Variants in ELF2 observed in about 807,000 individuals in gnomAD.
The protein encoded by ELF2 is E74 like ETS transcription factor 2, also known as ETS-related transcription factor Elf-2.
In ELF2, 11 loss-of-function variants were observed where a neutral mutation model predicts 54.8. The ratio of observed to expected loss-of-function variants is 0.20; its 90% CI spans 0.13 to 0.33. ELF2 has a LOEUF of 0.33. Among genes scored for constraint, ELF2 ranks in the 10% least tolerant of loss-of-function variants. The pLI, the probability that ELF2 is intolerant of heterozygous loss-of-function variation, is 1.00. For synonymous variants in ELF2, 203 were observed against 245.1 expected (o/e 0.83, Z 1.61); for missense variants, 513 against 703.0 (o/e 0.73, Z 3.06).
At chr4:139,132,968 T>C (rs973854016) in intron 3 of ELF2, among the ~76,000 whole-genome samples, 3 of 151,082 alleles carry the variant, frequency 2.0e-5, no homozygotes, top group Non-Finnish European at 4.4e-5. Flanking sequence ...CTCTGCTCAC[T>C]GTAAGCTCCG....
intron 9 of ELF2, 101 bp downstream of exon 9, chr4:139,060,223 G>T: frequency 9.3e-7 from 1 of 1,072,758 alleles, no homozygotes; most frequent in Non-Finnish European, 1.3e-6. Flanking sequence ...ACAACACTGG[G>T]TTCTTAGAAC....
chr4:139,177,431 T>C (rs1027621818), upstream of ELF2, among the ~76,000 whole-genome samples: 3 of 151,172 alleles, frequency 2.0e-5, no homozygotes, highest in African/African-American at 7.3e-5. Flanking sequence ...CGGCTATTTA[T>C]ACCCCGCGGG....
At chr4:139,148,316 A>ATTTTTTTTTTTTTT (rs772079635) in intron 1 of ELF2, among the ~76,000 whole-genome samples, 5 of 64,532 alleles carry the variant, frequency 7.7e-5, no homozygotes, top group Non-Finnish European at 8.4e-5. Flanking sequence ...TACCTGGCTA[A>ATTTTTTTTTTTTTT]TTTTTTTTTT....
At chr4:139,169,426 C>CA (rs1378254352) in intron 1 of ELF2, among the ~76,000 whole-genome samples, 3 of 151,464 alleles carry the variant, frequency 2.0e-5, no homozygotes, top group Admixed American at 6.6e-5. Flanking sequence ...CAACCTTACA[C>CA]AAAAAAATAC....
intron 4 of ELF2, among the ~76,000 whole-genome samples, chr4:139,099,833 A>G (rs187863266): frequency 4.6e-5 from 7 of 152,380 alleles, no homozygotes; most frequent in Admixed American, 2.6e-4. Context: ...ATGATAAAAA[A>G]TAACAGAACA....
At chr4:139,167,198 A>G (rs999153295) in intron 1 of ELF2, among the ~76,000 whole-genome samples, 1 of 152,198 alleles carries the variant, frequency 6.6e-6, no homozygotes, top group Non-Finnish European at 1.5e-5. Context: ...ACAGGATACA[A>G]TTAGAAACGT....
intron 3 of ELF2, among the ~76,000 whole-genome samples, chr4:139,135,479 C>T (rs748996379): frequency 6.6e-6 from 1 of 151,494 alleles, no homozygotes; most frequent in Non-Finnish European, 1.5e-5. Context: ...ACTAAAATGT[C>T]ACCACTTTGG....
At position 139,151,096 on chromosome 4, in the gene ELF2, A is replaced by AGAAAGAAAG. The variant is rs1560871870; in HGVS notation, c.-251-11600_-251-11599insCTTTCTTTC. ...AGAAAGAAAGAAAGAAAGAAAGAAA[A>AGAAAGAAAG]AGAGAGCTATTTAATAAATTGTGCT... On this transcript the variant is annotated intron_variant, in intron 1 of 9. Transcript: ENST00000686138. Among the ~76,000 whole-genome samples, 83 of 128,274 alleles carry AGAAAGAAAG rather than the reference A, an allele frequency of 6.5e-4. 3 individuals carry two copies. Among genetic ancestry groups the AGAAAGAAAG allele is most frequent in the African/African-American group, 2.5e-3 (77 of 31,382 alleles). 84.2% of individuals were successfully genotyped at this position (128,274 alleles called of 152,430 possible).
chr4:139,062,121 C>T, intron 7 of ELF2, 64 bp from the exon 8 acceptor site: 3 of 1,437,926 alleles, frequency 2.1e-6, no homozygotes, highest in Non-Finnish European at 2.8e-6. Flanking sequence ...TAATTAAAAG[C>T]AAATAAAGTG....
chr4:139,075,630 T>C (rs1445768992), intron 4 of ELF2, among the ~76,000 whole-genome samples: 2 of 152,166 alleles, frequency 1.3e-5, no homozygotes, highest in Non-Finnish European at 2.9e-5. Context: ...GGTTTCACCA[T>C]GTTGGCCAGG....
At chr4:139,061,059 C>G (rs1560749764) in intron 8 of ELF2, among the ~76,000 whole-genome samples, 2 of 152,066 alleles carry the variant, frequency 1.3e-5, no homozygotes, top group African/African-American at 4.8e-5. Flanking sequence ...GCCACACTTA[C>G]TTAGTAGAGA....
At chr4:139,161,679 A>C (rs925427403) in intron 1 of ELF2, among the ~76,000 whole-genome samples, 6 of 148,672 alleles carry the variant, frequency 4.0e-5, no homozygotes, top group Non-Finnish European at 8.9e-5. Flanking sequence ...AAAAAAAAAA[A>C]CTCTGAGTAG....
rs922043096 is a variant in ELF2, at chr4:139,058,282, TTTTTC to T, written c.*696_*700del. 66 of 151,894 alleles carry T rather than the reference TTTTTC, an allele frequency of 4.3e-4. No homozygotes were observed. Among genetic ancestry groups the T allele is most frequent in the Admixed American group, 1.4e-3 (21 of 15,242 alleles). The allele number at this position is 151,894 out of a possible 1,614,324, so 9.4% of individuals were successfully genotyped here. ...TGTGCTAGGTACAAGATTTTTAAAA[TTTTTC>T]TTTTAATAAAAAAGCTTTACACAAA... On this transcript the variant is annotated 3_prime_UTR_variant, in exon 10 of 10. Coordinates refer to ENST00000686138, the MANE Select transcript of ELF2 (RefSeq NM_001331036.3).
At chr4:139,072,794 T>G (rs1729705680) in intron 5 of ELF2, among the ~76,000 whole-genome samples, 1 of 152,230 alleles carries the variant, frequency 6.6e-6, no homozygotes, top group Non-Finnish European at 1.5e-5. Context: ...AAATTTATTC[T>G]CATATCTCTG....
chr4:139,109,698 G>A (rs1225022122), intron 4 of ELF2, among the ~76,000 whole-genome samples: 1 of 152,186 alleles, frequency 6.6e-6, no homozygotes, highest in Admixed American at 6.5e-5. Flanking sequence ...GTAGCAACAT[G>A]GAACAGCCGG....
At position 139,139,432 on chromosome 4, in the gene ELF2, C is replaced by A; in HGVS notation, c.-186G>T. 8.1e-7 allele frequency: 1 copy of A among 1,229,740 alleles called. No homozygotes were observed. Among genetic ancestry groups the A allele is most frequent in the South Asian group, 4.1e-5 (1 of 24,274 alleles). The allele number at this position is 1,229,740 out of a possible 1,614,324, so 76.2% of individuals were successfully genotyped here. A position where few individuals can be genotyped will look rare whatever the true frequency, so the allele number is the denominator to read the frequency against. ...ACTTACAGTTTGTATGTTAAGTAGTCTAAGCATCCTTCACTATTTTCACAA... is the reference window on the plus strand; with the variant it reads ...ACTTACAGTTTGTATGTTAAGTAGTATAAGCATCCTTCACTATTTTCACAA... On this transcript the variant is annotated 5_prime_UTR_variant, in exon 2 of 10. Coordinates refer to ENST00000686138, the MANE Select transcript of ELF2 (RefSeq NM_001331036.3).
At chr4:139,072,856 G>A (rs6535865) in intron 5 of ELF2, among the ~76,000 whole-genome samples, 147,020 of 152,298 alleles carry the variant, frequency 0.97, 71,062 homozygotes, top group Middle Eastern at 0.99. Flanking sequence ...CTCTTATTGT[G>A]AATCCCAATG....
chr4:139,084,174 T>A (rs894479946), intron 4 of ELF2: 1 of 1,613,474 alleles, frequency 6.2e-7, no homozygotes, highest in Non-Finnish European at 8.5e-7. Context: ...GGGTCCCTCA[T>A]GCAGAGACGT....
chr4:139,142,309 A>G (rs906670016), intron 1 of ELF2, among the ~76,000 whole-genome samples: 11 of 152,162 alleles, frequency 7.2e-5, no homozygotes, highest in Admixed American at 4.6e-4. Context: ...TCTAGTCAAA[A>G]GAAATTCAAC....
Sources: gnomAD v4.1 joint callset for allele counts (sites outside exome capture counted in the v4.1 genomes callset) on GRCh38, gnomAD v4.1.1 for gene constraint, MANE v1.5 for transcripts, NCBI Gene and HGNC (gene_info 2026-07-23, HGNC 2026-07-21) for gene names.